The following RFC2 variants were observed in gnomAD, a reference collection of about 807,000 sequenced individuals.
RFC2 encodes the protein replication factor C subunit 2, also known as A1 40 kDa subunit.
In RFC2, 34 loss-of-function variants were observed where a neutral mutation model predicts 44.8. The observed-to-expected ratio is 0.76, with a 90% CI of 0.58 to 1.01. RFC2 has a LOEUF of 1.01. Ranked by LOEUF, RFC2 falls within the 50% of genes least tolerant of loss-of-function variation. RFC2 has a pLI of 0.00. For synonymous variants in RFC2, 177 were observed against 168.9 expected (o/e 1.05, Z -0.37); for missense variants, 400 against 453.6 (o/e 0.88, Z 1.07).
intron 5 of RFC2, among the ~76,000 whole-genome samples, chr7:74,244,131 G>A (rs1392904791): frequency 6.7e-6 from 1 of 150,236 alleles, no homozygotes; most frequent in Non-Finnish European, 1.5e-5. Context: ...GTCTGGGCGT[G>A]GTGGCGCACG....
chr7:74,253,372 A>G (rs1322881029), intron 1 of RFC2, among the ~76,000 whole-genome samples: 7 of 151,902 alleles, frequency 4.6e-5, no homozygotes, highest in African/African-American at 1.7e-4. Context: ...CATGCCAGGC[A>G]AGGATTACCT....
At chr7:74,254,240 C>T (rs528780402) in intron 1 of RFC2, 31 bp downstream of exon 1, 25 of 1,528,996 alleles carry the variant, frequency 1.6e-5, no homozygotes, top group Admixed American at 5.1e-5. Context: ...CACGTCCAAA[C>T]GCGCCCATTC....
At chr7:74,239,349 TGA>T (rs1277271953) in intron 7 of RFC2, among the ~76,000 whole-genome samples, 2 of 150,418 alleles carry the variant, frequency 1.3e-5, no homozygotes, top group African/African-American at 4.9e-5. Context: ...CTTTTTTTTT[TGA>T]GACAGAGTCT....
chr7:74,233,656 A>C (rs2116245562), intron 10 of RFC2: 1 of 300,454 alleles, frequency 3.3e-6, no homozygotes. Flanking sequence ...GCTGTAGTGC[A>C]GGGGTGTGAT....
intron 4 of RFC2, 27 bp from the exon 5 acceptor site, chr7:74,246,790 C>T: frequency 6.6e-7 from 1 of 1,504,696 alleles, no homozygotes; most frequent in Non-Finnish European, 9.2e-7. Flanking sequence ...TTTTTACTGG[C>T]ACCTTCTGAG....
chr7:74,243,604 CTTT>C (rs112290922), intron 5 of RFC2, among the ~76,000 whole-genome samples: 1 of 148,064 alleles, frequency 6.8e-6, no homozygotes, highest in African/African-American at 2.5e-5. Flanking sequence ...CTTTTTTATT[CTTT>C]TTTTTTTCTT....
intron 10 of RFC2, 98 bp from the exon 11 acceptor site, chr7:74,232,314 G>A: frequency 1.5e-6 from 1 of 686,368 alleles, no homozygotes; most frequent in East Asian, 2.7e-5. Context: ...GAAACAAACT[G>A]AACTAATGGT....
intron 5 of RFC2, 117 bp downstream of exon 5, chr7:74,246,545 G>C (rs1379046399): frequency 1.7e-5 from 10 of 604,778 alleles, no homozygotes; most frequent in Admixed American, 3.0e-5. Context: ...CTATTAAATT[G>C]CTTGTGGAAG....
At chr7:74,253,123 G>A (rs1043235396) in intron 1 of RFC2, among the ~76,000 whole-genome samples, 1 of 152,086 alleles carries the variant, frequency 6.6e-6, no homozygotes, top group East Asian at 1.9e-4. Context: ...CTGTCCGCCC[G>A]TCACAAGAGG....
At chr7:74,248,972 A>G (rs782155224) in intron 4 of RFC2, 40 bp downstream of exon 4, 1 of 1,407,440 alleles carries the variant, frequency 7.1e-7, no homozygotes, top group South Asian at 1.1e-5. Context: ...TTCTCAATGC[A>G]GAGCACCCGC....
chr7:74,250,518 G>GAAGTT (rs1786870398), intron 2 of RFC2, among the ~76,000 whole-genome samples: 1 of 152,106 alleles, frequency 6.6e-6, no homozygotes, highest in African/African-American at 2.4e-5. Context: ...ACCATGGACT[G>GAAGTT]TCTATGCCAT....
chr7:74,239,102 A>T, intron 7 of RFC2, 114 bp from the exon 8 acceptor site: 4 of 691,020 alleles, frequency 5.8e-6, no homozygotes, highest in East Asian at 3.5e-5. Flanking sequence ...GGCTTAAGCG[A>T]TTCTCCCACC....
In RFC2 at chr7:74,235,637, A is replaced by G. The variant is rs1310520645; in HGVS notation, c.849T>C (p.Ala283=). 1 of 1,607,854 alleles carries G rather than the reference A, an allele frequency of 6.2e-7. No individual in the cohort carries two copies. Among genetic ancestry groups the G allele is most frequent in the Non-Finnish European group, 8.5e-7 (1 of 1,174,368 alleles). ...GTGAGTAGCCCAGATGCCACAAGTG[A>G]GCAAGAATCTAGACAAAGGAGACAG... ...ANIDEAYKIL[A]HLWHLGYSPE... is the part of the protein sequence containing the mutation. The change falls in exon 10 of 11, where the codon GCT becomes GCC. Residue 283 remains alanine (A), a synonymous_variant. Coordinates refer to ENST00000055077, the MANE Select transcript of RFC2 (RefSeq NM_181471.3).
At chr7:74,242,922 C>CAA (rs369066999) in intron 6 of RFC2, among the ~76,000 whole-genome samples, 11 of 108,578 alleles carry the variant, frequency 1.0e-4, no homozygotes, top group African/African-American at 2.0e-4. Context: ...GACTTTGTCT[C>CAA]AAAAAAAAAA....
chr7:74,248,424 G>T (rs2116331102), intron 4 of RFC2, among the ~76,000 whole-genome samples: 1 of 152,060 alleles, frequency 6.6e-6, no homozygotes, highest in African/African-American at 2.4e-5. Flanking sequence ...GAGGCTAAGG[G>T]TTTGAGATCA....
At chr7:74,233,745 T>A (rs1362945972) in intron 10 of RFC2, 1 of 448,198 alleles carries the variant, frequency 2.2e-6, no homozygotes, top group Non-Finnish European at 4.5e-6. Context: ...GGATTACAGG[T>A]GTAAGCCACT....
chr7:74,249,932 GACA>G (rs1786817323), intron 2 of RFC2, 152 bp from the exon 3 acceptor site: 1 of 708,940 alleles, frequency 1.4e-6, no homozygotes, highest in Non-Finnish European at 2.6e-6. Context: ...GCCAAGGCAG[GACA>G]ATCACTTGAG....
chr7:74,252,620 A>G (rs1236528691), intron 1 of RFC2, 122 bp from the exon 2 acceptor site: 1 of 693,886 alleles, frequency 1.4e-6, no homozygotes, highest in African/African-American at 1.8e-5. Context: ...AACTATGCCA[A>G]ATGGTTGCAA....
chr7:74,244,807 A>G (rs1374857033), intron 5 of RFC2, among the ~76,000 whole-genome samples: 1 of 150,862 alleles, frequency 6.6e-6, no homozygotes, highest in African/African-American at 2.4e-5. Flanking sequence ...GCCCCTGTGA[A>G]AAAAAAAATA....
Sources: allele counts gnomAD v4.1 joint callset (sites outside exome capture counted in the v4.1 genomes callset), GRCh38; gene constraint gnomAD v4.1.1; transcripts MANE v1.5; gene names NCBI Gene and HGNC (gene_info 2026-07-23, HGNC 2026-07-21).